The following CDH13 variants were observed in gnomAD, a reference collection of about 807,000 sequenced individuals.
CDH13 encodes cadherin-13.
CDH13 carries 24 observed loss-of-function variants against 63.8 expected under a neutral mutation model. That is an observed-to-expected ratio of 0.38 (90% confidence interval 0.27 to 0.53). The LOEUF (loss-of-function observed/expected upper bound fraction) is 0.53. Among genes scored for constraint, CDH13 ranks in the 20% least tolerant of loss-of-function variants. The pLI is 0.85. For missense variants in CDH13, 1,049 were observed against 903.1 expected, an observed-to-expected ratio of 1.16 and a Z score of -2.07; for synonymous variants, 503 against 355.3, an observed-to-expected ratio of 1.42 and a Z score of -4.67.
chr16:83,620,802 C>A (rs1378999804), intron 8 of CDH13, among the ~76,000 whole-genome samples: 1 of 152,182 alleles, frequency 6.6e-6, no homozygotes, highest in African/African-American at 2.4e-5. Context: ...CTTGCAAACT[C>A]AAAGAGACGT....
intron 4 of CDH13, among the ~76,000 whole-genome samples, chr16:83,152,161 T>C (rs1407389033): frequency 6.6e-6 from 1 of 152,196 alleles, no homozygotes; most frequent in Non-Finnish European, 1.5e-5. Flanking sequence ...AAATACATAC[T>C]CAAAACTGTG....
At chr16:82,677,952 G>A (rs1270953648) in intron 1 of CDH13, among the ~76,000 whole-genome samples, 2 of 152,124 alleles carry the variant, frequency 1.3e-5, no homozygotes, top group Non-Finnish European at 2.9e-5. Context: ...TGTTGGAAAA[G>A]CGTCTGAAGA....
chr16:83,529,685 T>C (rs983740396), intron 7 of CDH13, among the ~76,000 whole-genome samples: 3 of 152,080 alleles, frequency 2.0e-5, no homozygotes, highest in African/African-American at 4.8e-5. Context: ...TAAATGGAAA[T>C]AGAGATTTTA....
At chr16:83,420,037 C>A (rs9923750) in intron 6 of CDH13, among the ~76,000 whole-genome samples, 1,754 of 151,904 alleles carry the variant, frequency 0.012, 32 homozygotes, top group African/African-American at 0.041. Flanking sequence ...AGCTAGGCAT[C>A]AGTTTTAAAG....
intron 8 of CDH13, among the ~76,000 whole-genome samples, chr16:83,663,316 A>G (rs557146842): frequency 2.0e-5 from 3 of 152,294 alleles, no homozygotes; most frequent in South Asian, 4.1e-4. Context: ...TGGATTATGC[A>G]GGCACCCTGA....
chr16:83,070,161 T>C (rs2032327365), intron 3 of CDH13, among the ~76,000 whole-genome samples: 1 of 152,158 alleles, frequency 6.6e-6, no homozygotes, highest in African/African-American at 2.4e-5. Context: ...CAGCAACAAA[T>C]CTCAGCTTTC....
rs370173529 is a variant in CDH13, at chr16:83,512,237, C to T, written c.960+25582C>T. Among the ~76,000 whole-genome samples, 120 of 151,014 alleles carry T rather than the reference C, an allele frequency of 7.9e-4. 4 individuals are homozygous for T. In the South Asian group the frequency reaches 0.025, roughly 31 times the overall value. Reference sequence around the variant, plus strand: ...TCGGGAGTTTGAGGCAGGAGAATGGCGTGAACCCGGGAGGCGAAGCTTGCA... The same window carrying T: ...TCGGGAGTTTGAGGCAGGAGAATGGTGTGAACCCGGGAGGCGAAGCTTGCA... On this transcript the variant is annotated intron_variant, in intron 7 of 13. Transcript: ENST00000567109.
chr16:83,486,635 C>G lies in CDH13; in HGVS notation c.940C>G (p.Pro314Ala). Reference protein sequence around the residue: ...EKGDIVTVVSPALLDRETLEN... With the variant: ...EKGDIVTVVSAALLDRETLEN... ...AGGAGACATTGTCACTGTTGTGTCA[C>G]CTGCGCTGCTGGACCGAGAGGTGAG... Residue 314 changes from proline to alanine, a missense_variant, in exon 7 of 14, where the codon CCT (proline) becomes GCT (alanine). Coordinates refer to ENST00000567109, the MANE Select transcript of CDH13 (RefSeq NM_001257.5). The G allele has an allele frequency of 6.2e-7, 1 of 1,613,842 alleles. No individual in the cohort carries two copies. The highest frequency in any genetic ancestry group is 8.5e-7 in the Non-Finnish European group (1 of 1,179,786).
rs548918979 is a variant in CDH13, at chr16:83,311,471, C to T, written c.637-33391C>T. The stretch of plus-strand genomic sequence containing the variant: ...TCTCCTTATACCTTTTAATTGTCAG[C>T]GAATTCCCAAAGGCATATGTACTGA... On this transcript the variant is annotated intron_variant, in intron 5 of 13. Coordinates refer to ENST00000567109, the MANE Select transcript of CDH13 (RefSeq NM_001257.5). 9.9e-5 allele frequency among the ~76,000 whole-genome samples: 15 copies of T among 152,224 alleles called. No homozygotes were observed. In the South Asian group the frequency reaches 3.1e-3, roughly 32 times the overall value.
At chr16:83,282,607 C>T (rs1420103134) in intron 5 of CDH13, among the ~76,000 whole-genome samples, 4 of 152,166 alleles carry the variant, frequency 2.6e-5, no homozygotes, top group African/African-American at 7.2e-5. Flanking sequence ...TTGCAACATA[C>T]ATGCCAGACA....
chr16:83,707,614 C>G (rs1037140917), intron 10 of CDH13, among the ~76,000 whole-genome samples: 1 of 151,992 alleles, frequency 6.6e-6, no homozygotes, highest in Non-Finnish European at 1.5e-5. Flanking sequence ...CTACTCTTCC[C>G]TATTCTGGCT....
intron 6 of CDH13, among the ~76,000 whole-genome samples, chr16:83,426,397 A>C (rs541100519): frequency 1.3e-5 from 2 of 152,194 alleles, no homozygotes; most frequent in South Asian, 4.1e-4. Flanking sequence ...AGTCCTTGCT[A>C]ATATGCCAAC....
chr16:83,645,721 C>T (rs1040888138), intron 8 of CDH13, among the ~76,000 whole-genome samples: 74 of 151,848 alleles, frequency 4.9e-4, no homozygotes, highest in Admixed American at 4.8e-3. Context: ...AACTTGCTAG[C>T]CCCTGCAGGT....
At chr16:83,644,639 T>G (rs1911619137) in intron 8 of CDH13, among the ~76,000 whole-genome samples, 1 of 152,200 alleles carries the variant, frequency 6.6e-6, no homozygotes, top group South Asian at 2.1e-4. Context: ...CCTGCTCCAC[T>G]GCAAATGGGC....
chr16:83,783,829 T>G (rs1915696219), intron 13 of CDH13, among the ~76,000 whole-genome samples: 1 of 152,230 alleles, frequency 6.6e-6, no homozygotes, highest in African/African-American at 2.4e-5. Context: ...CTCTACATTA[T>G]GCAGAATAAT....
intron 6 of CDH13, among the ~76,000 whole-genome samples, chr16:83,382,406 C>T (rs575078870): frequency 5.3e-5 from 8 of 152,226 alleles, no homozygotes; most frequent in East Asian, 1.9e-4. Flanking sequence ...AAAAGTTGCA[C>T]GAACAGAACA....
intron 6 of CDH13, among the ~76,000 whole-genome samples, chr16:83,450,308 G>T (rs1020516361): frequency 1.3e-5 from 2 of 152,162 alleles, no homozygotes; most frequent in African/African-American, 4.8e-5. Flanking sequence ...AGTGCAGCTT[G>T]TTCTATGAAT....
intron 7 of CDH13, among the ~76,000 whole-genome samples, chr16:83,581,837 T>G (rs1555577645): frequency 6.6e-6 from 1 of 152,038 alleles, no homozygotes; most frequent in Non-Finnish European, 1.5e-5. Flanking sequence ...AATAAATAAA[T>G]AATAAAAGAA....
At chr16:83,645,818 C>A (rs2150810364) in intron 8 of CDH13, among the ~76,000 whole-genome samples, 2 of 152,236 alleles carry the variant, frequency 1.3e-5, no homozygotes, top group Middle Eastern at 6.8e-3. Context: ...CTAGCACAGG[C>A]TTGGTTTGCT....
Sources: gnomAD v4.1 joint callset for allele counts (sites outside exome capture counted in the v4.1 genomes callset) on GRCh38, gnomAD v4.1.1 for gene constraint, MANE v1.5 for transcripts, NCBI Gene and HGNC (gene_info 2026-07-23, HGNC 2026-07-21) for gene names.